Variants in DMXL1 observed in about 807,000 individuals in gnomAD.
The protein encoded by DMXL1 is dmX-like protein 1.
A neutral mutation model predicts 319.2 loss-of-function variants in DMXL1; 99 were observed. The observed-to-expected ratio is 0.31, with a 90% CI of 0.26 to 0.37. The LOEUF is 0.37. Among genes scored for constraint, DMXL1 ranks in the 10% least tolerant of loss-of-function variants. The pLI is 1.00. For missense variants in DMXL1, 3,745 were observed against 3,595.6 expected (o/e 1.04, Z -1.06); for synonymous variants, 1,385 against 1,235.2 (o/e 1.12, Z -2.54).
chr5:119,210,196 C>G (rs537258915), intron 34 of DMXL1, among the ~76,000 whole-genome samples: 1 of 152,118 alleles, frequency 6.6e-6, no homozygotes, highest in Non-Finnish European at 1.5e-5. Context: ...AGTGATCTGC[C>G]CACCTCGGCC....
intron 4 of DMXL1, among the ~76,000 whole-genome samples, chr5:119,105,901 A>G (rs1341001786): frequency 3.3e-5 from 5 of 149,990 alleles, no homozygotes; most frequent in Non-Finnish European, 5.9e-5. Flanking sequence ...GTCTCAAAAA[A>G]AAAAAAAAAA....
Position 119,100,770 on chromosome 5 carries a change from C to CTTTTTT in DMXL1, c.214-1143_214-1138dup, listed in dbSNP as rs397999092. 64 of 62,708 alleles carry CTTTTTT rather than the reference C, an allele frequency of 1.0e-3. 1 individual carries two copies. Among genetic ancestry groups the CTTTTTT allele is most frequent in the Non-Finnish European group, 1.1e-3 (40 of 35,454 alleles). 3.9% of individuals were successfully genotyped at this position (62,708 alleles called of 1,614,324 possible). A position where few individuals can be genotyped will look rare whatever the true frequency, so the allele number is the denominator to read the frequency against. Reference sequence around the variant, plus strand: ...CTCTTTTAATCTTTACATCTGTTTTCTTTTTTTTTTTTTTTTTTTTTTTTT... The same window carrying CTTTTTT: ...CTCTTTTAATCTTTACATCTGTTTTCTTTTTTTTTTTTTTTTTTTTTTTTTTTTTTT... On this transcript the variant is annotated intron_variant, in intron 2 of 43. Coordinates refer to ENST00000539542, the MANE Select transcript of DMXL1 (RefSeq NM_001290321.3).
chr5:119,080,708 A>G (rs1424090544), intron 1 of DMXL1, among the ~76,000 whole-genome samples: 7 of 152,212 alleles, frequency 4.6e-5, no homozygotes, highest in African/African-American at 1.7e-4. Context: ...GCCAGAGGGA[A>G]TCATTTTAAA....
In DMXL1 at chr5:119,220,506, A is replaced by G; in HGVS notation, c.8048A>G (p.His2683Arg). Residue 2683 changes from histidine to arginine, a missense_variant, in exon 36 of 44, where the codon CAT becomes CGT. Transcript: ENST00000539542. ...NRNCIAIASSHDVQELDVSGI... is the reference protein window; with the variant it reads ...NRNCIAIASSRDVQELDVSGI... Reference sequence around the variant, plus strand: ...AACTGCATAGCAATCGCTTCCAGTCATGATGTTCAAGAACTGGATGTTTCT... The same window carrying G: ...AACTGCATAGCAATCGCTTCCAGTCGTGATGTTCAAGAACTGGATGTTTCT... 1.9e-6 allele frequency: 3 copies of G among 1,613,710 alleles called. No individual in the cohort carries two copies. The highest frequency in any genetic ancestry group is 2.2e-5 in the South Asian group (2 of 91,064).
intron 25 of DMXL1, among the ~76,000 whole-genome samples, chr5:119,174,814 C>T (rs1193076751): frequency 2.0e-5 from 3 of 152,196 alleles, no homozygotes; most frequent in African/African-American, 7.2e-5. Context: ...GTTTCACTCT[C>T]TTCAAATTGT....
intron 29 of DMXL1, among the ~76,000 whole-genome samples, chr5:119,192,438 G>T (rs1408045120): frequency 1.3e-5 from 2 of 152,012 alleles, no homozygotes; most frequent in African/African-American, 2.4e-5. Flanking sequence ...TTTTCCAGCT[G>T]CTATCCCATT....
chr5:119,175,569 T>A (rs1775638776), intron 26 of DMXL1, among the ~76,000 whole-genome samples: 1 of 152,140 alleles, frequency 6.6e-6, no homozygotes, highest in East Asian at 1.9e-4. Context: ...CTGCCTTATG[T>A]CAGACATTGT....
chr5:119,095,586 G>A (rs892322701), intron 1 of DMXL1, among the ~76,000 whole-genome samples: 4 of 152,100 alleles, frequency 2.6e-5, no homozygotes, highest in Admixed American at 6.5e-5. Flanking sequence ...TCCACTGAAA[G>A]GAAACTGAAA....
chr5:119,146,263 A>G (rs796067469), intron 15 of DMXL1, among the ~76,000 whole-genome samples: 10 of 152,076 alleles, frequency 6.6e-5, no homozygotes, highest in South Asian at 4.1e-4. Flanking sequence ...ATTAAAATCT[A>G]TTGTTAAAAA....
intron 37 of DMXL1, among the ~76,000 whole-genome samples, chr5:119,222,240 A>G (rs1212349593): frequency 1.3e-5 from 2 of 152,178 alleles, no homozygotes; most frequent in Non-Finnish European, 2.9e-5. Flanking sequence ...TTGAGATCCA[A>G]AAAGGTCAAG....
chr5:119,134,464 T>G, intron 13 of DMXL1, 75 bp downstream of exon 13: 1 of 1,260,382 alleles, frequency 7.9e-7, no homozygotes, highest in South Asian at 1.6e-5. Context: ...TTGGGCATGT[T>G]CTACAATTGT....
In DMXL1 at chr5:119,071,332, C is replaced by T; in HGVS notation, c.-238C>T. ...GGGCTAGCGCGGGGAGTGACAGGTGCGCGAAGGAGCGCGGCGCTCCGCCCT... is the reference window on the plus strand; with the variant it reads ...GGGCTAGCGCGGGGAGTGACAGGTGTGCGAAGGAGCGCGGCGCTCCGCCCT... On this transcript the variant is annotated 5_prime_UTR_variant, in exon 1 of 44. Transcript: ENST00000539542. The T allele has an allele frequency of 1.9e-6, 1 of 518,132 alleles. No homozygotes were observed. 32.1% of individuals were successfully genotyped at this position (518,132 alleles called of 1,614,324 possible). A position where few individuals can be genotyped will look rare whatever the true frequency, so the allele number is the denominator to read the frequency against.
At chr5:119,132,715 G>T in intron 10 of DMXL1, 3 of 489,100 alleles carry the variant, frequency 6.1e-6, no homozygotes, top group South Asian at 4.6e-5. Flanking sequence ...TTTCTGGGTT[G>T]ACAATTAGTC....
intron 43 of DMXL1, among the ~76,000 whole-genome samples, chr5:119,245,900 A>G (rs903081902): frequency 2.0e-5 from 3 of 151,332 alleles, no homozygotes; most frequent in Non-Finnish European, 4.4e-5. Context: ...TCAAGGTTAA[A>G]AAAAAAAAAG....
intron 28 of DMXL1, among the ~76,000 whole-genome samples, chr5:119,180,919 A>G (rs1776666173): frequency 1.3e-5 from 2 of 152,194 alleles, no homozygotes; most frequent in South Asian, 4.1e-4. Flanking sequence ...AATTATTGCT[A>G]AGGAATGTGC....
At chr5:119,206,390 T>C (rs2150481501) in intron 33 of DMXL1, 1 of 152,562 alleles carries the variant, frequency 6.6e-6, no homozygotes, top group East Asian at 1.9e-4. Flanking sequence ...ATTAGATACA[T>C]GTAGAAATTG....
At chr5:119,175,949 T>G (rs2150302210) in intron 26 of DMXL1, among the ~76,000 whole-genome samples, 1 of 152,206 alleles carries the variant, frequency 6.6e-6, no homozygotes, top group African/African-American at 2.4e-5. Flanking sequence ...TTGTCTCATC[T>G]CTCTTCTATC....
chr5:119,179,123 C>T (rs539641468), intron 28 of DMXL1, among the ~76,000 whole-genome samples: 51 of 152,056 alleles, frequency 3.4e-4, no homozygotes, highest in African/African-American at 1.2e-3. Flanking sequence ...ACAATTGTAT[C>T]CCCGTTTAAA....
chr5:119,148,612 C>T, intron 17 of DMXL1, 127 bp from the exon 18 acceptor site: 3 of 888,684 alleles, frequency 3.4e-6, no homozygotes, highest in South Asian at 3.4e-5. Context: ...AAACATACAG[C>T]CAAGATGCCC....
Sources: allele counts gnomAD v4.1 joint callset (sites outside exome capture counted in the v4.1 genomes callset), GRCh38; gene constraint gnomAD v4.1.1; transcripts MANE v1.5; gene names NCBI Gene and HGNC (gene_info 2026-07-23, HGNC 2026-07-21).